MAIP1: variants seen among roughly 807,000 people sequenced by gnomAD.
The protein encoded by MAIP1 is m-AAA protease-interacting protein 1, mitochondrial.
A neutral mutation model predicts 31.2 loss-of-function variants in MAIP1; 28 were observed. The ratio of observed to expected loss-of-function variants is 0.90; its 90% confidence interval spans 0.67 to 1.23. The LOEUF (loss-of-function observed/expected upper bound fraction) is 1.23, where lower values mean the gene tolerates loss of function less well. MAIP1 is among the 50% of genes most tolerant of loss of function. MAIP1 has a pLI of 0.00. For synonymous variants in MAIP1, 142 were observed against 142.3 expected, an observed-to-expected ratio of 1.00 and a Z score of 0.02; for missense variants, 339 against 356.0, an observed-to-expected ratio of 0.95 and a Z score of 0.38.
rs2077627223 is a variant in MAIP1, at chr2:199,959,877, A to G, written c.646A>G (p.Lys216Glu). 1.2e-6 allele frequency: 2 copies of G among 1,611,972 alleles called. No homozygotes were observed. The change falls in exon 3 of 5, where the codon AAA becomes GAA. Residue 216 changes from lysine to glutamate, a missense_variant. Coordinates refer to ENST00000392290, the MANE Select transcript of MAIP1 (RefSeq NM_001394955.1). ...AGACATCTCCATTTACTATGATGAGAAAGGTAATACCAGAGCATAGTCAAC... is the reference window on the plus strand; with the variant it reads ...AGACATCTCCATTTACTATGATGAGGAAGGTAATACCAGAGCATAGTCAAC... ...TGDISIYYDE[K>E]GRKFVNILMC...
At position 199,955,832 on chromosome 2, in the gene MAIP1, C is replaced by T. The variant is rs2077597582; in HGVS notation, c.34C>T (p.Leu12=). 2.0e-6 allele frequency: 3 copies of T among 1,521,156 alleles called. No homozygotes were observed. Among genetic ancestry groups the T allele is most frequent in the Admixed American group, 2.3e-5 (1 of 44,418 alleles). 94.2% of individuals were successfully genotyped at this position (1,521,156 alleles called of 1,614,324 possible). Residue 12 remains leucine (L), a synonymous_variant, in exon 1 of 5, where the codon CTG becomes TTG. Coordinates refer to ENST00000392290, the MANE Select transcript of MAIP1 (RefSeq NM_001394955.1). ...GGCCGCTCGTTTGCTACCCCAGTTC[C>T]TGCACTCTCGGTCGCTGCCCTGCGG... is the stretch of plus-strand genomic sequence containing the variant. The part of the protein sequence containing the change: ...ALAARLLPQF[L]HSRSLPCGAV...
At chr2:199,955,319 T>C (rs2077588014), upstream of MAIP1, 2 of 1,538,116 alleles carry the variant, frequency 1.3e-6, no homozygotes, top group African/African-American at 1.4e-5. Context: ...TAAAAACCAG[T>C]TCCCAGCTGT....
In MAIP1 at chr2:199,956,097, A is replaced by G. The variant is rs2077601279; in HGVS notation, c.299A>G (p.Glu100Gly). The part of the protein sequence containing the change: ...ACPQRSYSTE[E>G]KPQQHQKTKM... ...CCTCAGCGCAGCTACAGCACGGAGG[A>G]GAAGCCCCAGCAGCACCAGAAAACC... Residue 100 changes from glutamate (E) to glycine (G), a missense_variant, in exon 1 of 5, where the codon GAG becomes GGG. Coordinates refer to ENST00000392290, the MANE Select transcript of MAIP1 (RefSeq NM_001394955.1). The G allele has an allele frequency of 1.9e-6, 3 of 1,614,134 alleles. No individual in the cohort carries two copies. Among genetic ancestry groups the G allele is most frequent in the African/African-American group, 2.7e-5 (2 of 75,042 alleles).
intron 1 of MAIP1, among the ~76,000 whole-genome samples, chr2:199,958,952 A>G (rs1404282612): frequency 6.6e-6 from 1 of 152,158 alleles, no homozygotes; most frequent in Non-Finnish European, 1.5e-5. Flanking sequence ...CTGCCAAATG[A>G]TTGTTTACTT....
At chr2:199,955,336 G>A (rs1009352023), upstream of MAIP1, 15 of 1,584,388 alleles carry the variant, frequency 9.5e-6, no homozygotes, top group African/African-American at 1.3e-5. Flanking sequence ...CTGTCCGAAA[G>A]GTAAAGACGT....
chr2:199,962,446 G>C (rs1182201009), intron 4 of MAIP1, among the ~76,000 whole-genome samples: 1 of 152,178 alleles, frequency 6.6e-6, no homozygotes, highest in Admixed American at 6.5e-5. Flanking sequence ...TATAGTGGTT[G>C]AATTCTAGGA....
chr2:199,959,791 C>G lies in MAIP1; in HGVS notation c.560C>G (p.Pro187Arg). 6.2e-7 allele frequency: 1 copy of G among 1,612,490 alleles called. No homozygotes were observed. The highest frequency in any genetic ancestry group is 8.5e-7 in the Non-Finnish European group (1 of 1,179,148). ...HALKEKVTSL[P>R]DNHKNALAAN... ...TTGAAAGAAAAGGTTACTTCACTAC[C>G]TGACAACCATAAAAATGCCCTTGCT... is the stretch of plus-strand genomic sequence containing the variant. Residue 187 changes from proline (P) to arginine (R), a missense_variant, in exon 3 of 5, where the codon CCT becomes CGT. By Grantham distance (103) the Pro-to-Arg change is moderately radical. Coordinates refer to ENST00000392290, the MANE Select transcript of MAIP1 (RefSeq NM_001394955.1).
intron 1 of MAIP1, among the ~76,000 whole-genome samples, chr2:199,957,108 C>T (rs1226937303): frequency 7.1e-6 from 1 of 140,190 alleles, no homozygotes; most frequent in East Asian, 2.1e-4. Context: ...CTGCTGATAA[C>T]AATAGAAGTC....
At chr2:199,961,694 CT>C in intron 3 of MAIP1, 86 bp from the exon 4 acceptor site, 4 of 1,252,826 alleles carry the variant, frequency 3.2e-6, no homozygotes, top group Non-Finnish European at 4.5e-6. Flanking sequence ...TGTATAACTG[CT>C]GCCAATTTCT....
intron 4 of MAIP1, 27 bp from the exon 5 acceptor site, chr2:199,963,706 T>C: frequency 7.1e-7 from 1 of 1,413,864 alleles, no homozygotes; most frequent in South Asian, 1.2e-5. Context: ...GATGTAAGAT[T>C]TACATTATTT....
At chr2:199,961,986 G>C in intron 4 of MAIP1, 58 bp downstream of exon 4, 1 of 1,439,566 alleles carries the variant, frequency 6.9e-7, no homozygotes, top group Non-Finnish European at 9.5e-7. Flanking sequence ...GTAGTGTGAA[G>C]GTATGAAAAC....
rs1393955728 is a variant in MAIP1, at chr2:199,961,941, A to C, written c.797+13A>C. 1 of 1,604,514 alleles carries C rather than the reference A, an allele frequency of 6.2e-7. No homozygotes were observed. ...GTGCAAGCTATGAGTAAGTTTAATC[A>C]GATTTCATTGTTTCCTTTCTTCAGA... On this transcript the variant is annotated intron_variant, in intron 4 of 4. Transcript: ENST00000392290.
intron 1 of MAIP1, among the ~76,000 whole-genome samples, chr2:199,957,260 C>G (rs568148326): frequency 2.5e-4 from 38 of 151,976 alleles, no homozygotes; most frequent in Non-Finnish European, 4.7e-4. Flanking sequence ...TTAGGCGTGG[C>G]GAGCCCCTGT....
At chr2:199,961,318 G>T (rs1037181453) in intron 3 of MAIP1, among the ~76,000 whole-genome samples, 2 of 152,058 alleles carry the variant, frequency 1.3e-5, no homozygotes, top group African/African-American at 4.8e-5. Flanking sequence ...TGAAAAAATA[G>T]CCGGGCATGG....
intron 3 of MAIP1, among the ~76,000 whole-genome samples, chr2:199,960,625 G>A (rs2077630738): frequency 6.6e-6 from 1 of 152,078 alleles, no homozygotes; most frequent in Non-Finnish European, 1.5e-5. Context: ...CATTGTGTTA[G>A]GTATTATAAA....
intron 4 of MAIP1, among the ~76,000 whole-genome samples, chr2:199,962,912 A>G (rs946306223): frequency 5.9e-5 from 9 of 152,216 alleles, no homozygotes; most frequent in African/African-American, 2.2e-4. Context: ...TTTAACATTT[A>G]TTAAAAAAAT....
rs2118548 is a variant in MAIP1, at chr2:199,963,803, T to A, written c.868T>A (p.Leu290Ile). ...TIARIEHSKL[L>I]E ...TGCACGGATTGAACACTCAAAATTA[T>A]TAGAATAATTTTCTTGGAAAAATCA... The change falls in exon 5 of 5, where the codon TTA (leucine) becomes ATA (isoleucine). Residue 290 changes from leucine (L) to isoleucine (I), a missense_variant. Leu to Ile is a conservative substitution (Grantham distance 5). Transcript: ENST00000392290. 9.5e-3 allele frequency: 15,165 copies of A among 1,602,798 alleles called. 102 individuals are homozygous for A. The highest frequency in any genetic ancestry group is 0.016 in the Middle Eastern group (99 of 6,024).
At chr2:199,955,531 C>A, upstream of MAIP1, 1 of 1,573,050 alleles carries the variant, frequency 6.4e-7, no homozygotes, top group Non-Finnish European at 8.7e-7. Context: ...CGTTCCTCAG[C>A]GCCATCCGCC....
chr2:199,963,497 T>C (rs2077646904), intron 4 of MAIP1, among the ~76,000 whole-genome samples: 1 of 152,172 alleles, frequency 6.6e-6, no homozygotes, highest in African/African-American at 2.4e-5. Context: ...AGATGTTGAA[T>C]ATAGATTAGT....
Sources: allele counts gnomAD v4.1 joint callset (sites outside exome capture counted in the v4.1 genomes callset), GRCh38; gene constraint gnomAD v4.1.1; transcripts MANE v1.5; gene names NCBI Gene and HGNC (gene_info 2026-07-23, HGNC 2026-07-21).